The following TENM2 variants were observed in gnomAD, a reference collection of about 807,000 sequenced individuals.
TENM2 encodes the protein teneurin-2.
TENM2 carries 52 observed loss-of-function variants against 245.2 expected under a neutral mutation model. The ratio of observed to expected loss-of-function variants is 0.21; its 90% confidence interval spans 0.17 to 0.27. TENM2 has a LOEUF of 0.27. Ranked by LOEUF, TENM2 falls within the 10% of genes least tolerant of loss-of-function variation. TENM2 has a pLI of 1.00. For missense variants in TENM2, 3,046 were observed against 3,666.8 expected (o/e 0.83, Z 4.37); for synonymous variants, 1,363 against 1,438.9 (o/e 0.95, Z 1.19).
chr5:167,848,136 A>G (rs1031704443), intron 2 of TENM2, among the ~76,000 whole-genome samples: 1 of 152,202 alleles, frequency 6.6e-6, no homozygotes, highest in African/African-American at 2.4e-5. Flanking sequence ...GAACATGTAG[A>G]GAAATAGACT....
the TENM2 span, among the ~76,000 whole-genome samples, chr5:167,214,817 G>T: frequency 6.6e-6 from 1 of 152,152 alleles, no homozygotes; most frequent in African/African-American, 2.4e-5. Context: ...TTGCCTTATT[G>T]TACAGACATA....
the TENM2 span, among the ~76,000 whole-genome samples, chr5:167,225,611 A>G: frequency 1.3e-5 from 2 of 151,838 alleles, no homozygotes; most frequent in African/African-American, 2.4e-5. Flanking sequence ...ATCAGGGATA[A>G]TGGCCTGTAG....
At chr5:167,734,231 T>C (rs957707471) in intron 2 of TENM2, among the ~76,000 whole-genome samples, 9 of 152,254 alleles carry the variant, frequency 5.9e-5, no homozygotes, top group Admixed American at 4.6e-4. Context: ...TCATAGTTTT[T>C]AGTATTTTCC....
At chr5:168,097,594 G>T (rs1793473272) in intron 8 of TENM2, among the ~76,000 whole-genome samples, 1 of 51,826 alleles carries the variant, frequency 1.9e-5, no homozygotes, top group South Asian at 4.5e-4. Flanking sequence ...CCAGCTAATT[G>T]TGTGTGTGCG....
At chr5:166,988,282 T>G in the TENM2 span, among the ~76,000 whole-genome samples, 1 of 152,200 alleles carries the variant, frequency 6.6e-6, no homozygotes, top group Non-Finnish European at 1.5e-5. Context: ...TCCTTGTTGA[T>G]CTGAATCAGA....
At chr5:167,134,237 A>G in the TENM2 span, among the ~76,000 whole-genome samples, 4 of 152,250 alleles carry the variant, frequency 2.6e-5, no homozygotes, top group Non-Finnish European at 4.4e-5. Flanking sequence ...ACATTTTCAT[A>G]TGAAACTTAA....
intron 2 of TENM2, among the ~76,000 whole-genome samples, chr5:167,663,177 AGAGAG>A (rs1755343575): frequency 1.3e-5 from 2 of 148,696 alleles, no homozygotes; most frequent in African/African-American, 2.5e-5. Context: ...AGAGAGAGAG[AGAGAG>A]AGAGAAAGAG....
chr5:167,670,985 T>C (rs766801104), intron 2 of TENM2, among the ~76,000 whole-genome samples: 45 of 152,136 alleles, frequency 3.0e-4, no homozygotes, highest in Non-Finnish European at 5.7e-4. Context: ...CCAAATTAAT[T>C]AAAGGGACTC....
At chr5:167,271,807 G>A in the TENM2 span, among the ~76,000 whole-genome samples, 1 of 152,100 alleles carries the variant, frequency 6.6e-6, no homozygotes, top group Non-Finnish European at 1.5e-5. Context: ...ATTCTTTCTT[G>A]CTCTGGACAT....
chr5:167,823,623 G>A lies in TENM2; in HGVS notation c.503-52363G>A, dbSNP rs112299913. Among the ~76,000 whole-genome samples the A allele has an allele frequency of 7.0e-3, 1,060 of 152,226 alleles. 15 individuals carry two copies. The highest frequency in any genetic ancestry group is 0.024 in the African/African-American group (1,011 of 41,530). ...CAGCCTGAATGTGCTGCTTCCTTGG[G>A]TACCTTGAAGTGGCTGAGACCAGAT... On this transcript the variant is annotated intron_variant, in intron 2 of 28. Transcript: ENST00000518659.
At chr5:167,775,341 A>G (rs1420220616) in intron 2 of TENM2, among the ~76,000 whole-genome samples, 2 of 152,190 alleles carry the variant, frequency 1.3e-5, no homozygotes, top group Admixed American at 1.3e-4. Context: ...CCCTTGTCGG[A>G]TGGAATTTCT....
At chr5:167,725,551 T>C (rs1759940848) in intron 2 of TENM2, among the ~76,000 whole-genome samples, 1 of 152,204 alleles carries the variant, frequency 6.6e-6, no homozygotes, top group African/African-American at 2.4e-5. Flanking sequence ...ACACCTCTAA[T>C]GCATTTACTT....
At chr5:167,712,063 G>A (rs1475491650) in intron 2 of TENM2, among the ~76,000 whole-genome samples, 1 of 152,160 alleles carries the variant, frequency 6.6e-6, no homozygotes, top group Non-Finnish European at 1.5e-5. Flanking sequence ...TAAACTATGA[G>A]AAGGGCTAGA....
chr5:168,165,880 G>A (rs1758251620), intron 13 of TENM2: 1 of 151,762 alleles, frequency 6.6e-6, no homozygotes, highest in South Asian at 2.1e-4. Context: ...AGGTGAGAGG[G>A]GTAGACACCA....
At chr5:167,294,184 C>G (rs955412282) in intron 1 of TENM2, 5 of 152,186 alleles carry the variant, frequency 3.3e-5, no homozygotes, top group African/African-American at 1.2e-4. Flanking sequence ...ATGTTACCAT[C>G]AATCCCCAGG....
chr5:168,196,651 G>A (rs1257295193), intron 15 of TENM2, among the ~76,000 whole-genome samples: 12 of 152,058 alleles, frequency 7.9e-5, no homozygotes, highest in African/African-American at 1.9e-4. Flanking sequence ...TAGTAGAGAC[G>A]GGGTTTCACC....
the TENM2 span, among the ~76,000 whole-genome samples, chr5:167,056,520 G>GTATATATC: frequency 1.4e-5 from 2 of 140,872 alleles, no homozygotes; most frequent in Admixed American, 1.4e-4. Flanking sequence ...TGTATTTTAT[G>GTATATATC]TATATATCTA....
In TENM2 at chr5:167,308,940, A is replaced by G. The variant is rs559414444; in HGVS notation, c.226+23877A>G. Among the ~76,000 whole-genome samples the G allele has an allele frequency of 1.1e-4, 16 of 151,994 alleles. No individual in the cohort carries two copies. The South Asian group carries it at 3.3e-3, about 32-fold the overall frequency. On this transcript the variant is annotated intron_variant, in intron 1 of 28. Coordinates refer to ENST00000518659, the Ensembl canonical transcript of TENM2. ...GCATTCCTGCTCAGAGCTCAGAATC[A>G]TCAACGCCCAACCTTGACACTTAAT...
At chr5:167,687,944 T>C (rs1464818705) in intron 2 of TENM2, among the ~76,000 whole-genome samples, 3 of 152,228 alleles carry the variant, frequency 2.0e-5, no homozygotes, top group Non-Finnish European at 4.4e-5. Flanking sequence ...TCTAGAATGA[T>C]ATTTAATGTT....
Sources: allele counts gnomAD v4.1 joint callset (sites outside exome capture counted in the v4.1 genomes callset), GRCh38; gene constraint gnomAD v4.1.1; transcripts MANE v1.5; gene names NCBI Gene and HGNC (gene_info 2026-07-23, HGNC 2026-07-21).